The following TRPS1 variants were observed in gnomAD, a reference collection of about 807,000 sequenced individuals.
The protein encoded by TRPS1 is transcriptional repressor GATA binding 1.
In TRPS1, 6 loss-of-function variants were observed where a neutral mutation model predicts 101.2. The observed-to-expected ratio is 0.06, with a 90% confidence interval of 0.03 to 0.12. The LOEUF (loss-of-function observed/expected upper bound fraction) is 0.12, where lower values mean the gene tolerates loss of function less well. Ranked by LOEUF, TRPS1 falls within the 10% of genes least tolerant of loss-of-function variation. The pLI, the probability that TRPS1 is intolerant of heterozygous loss-of-function variation, is 1.00. For missense variants in TRPS1, 1,363 were observed against 1,567.0 expected, an observed-to-expected ratio of 0.87 and a Z score of 2.20; for synonymous variants, 578 against 589.8, an observed-to-expected ratio of 0.98 and a Z score of 0.29.
chr8:115,432,572 T>A (rs1056987671), intron 5 of TRPS1, among the ~76,000 whole-genome samples: 52 of 152,082 alleles, frequency 3.4e-4, no homozygotes, highest in African/African-American at 1.2e-3. Context: ...ATGGACTGAT[T>A]AGTATCAAAC....
At chr8:115,575,896 G>A (rs991897411) in intron 5 of TRPS1, among the ~76,000 whole-genome samples, 2 of 152,088 alleles carry the variant, frequency 1.3e-5, no homozygotes, top group Non-Finnish European at 2.9e-5. Context: ...TGGGATTAGA[G>A]TCTATTCATG....
chr8:115,497,766 AATT>A (rs773343226), intron 5 of TRPS1, among the ~76,000 whole-genome samples: 6 of 152,134 alleles, frequency 3.9e-5, no homozygotes, highest in Non-Finnish European at 8.8e-5. Context: ...CAGAGATTAA[AATT>A]ATGTTACATC....
intron 5 of TRPS1, among the ~76,000 whole-genome samples, chr8:115,579,721 T>A (rs1238895677): frequency 1.3e-5 from 2 of 152,100 alleles, no homozygotes; most frequent in Non-Finnish European, 2.9e-5. Context: ...GTTACACATA[T>A]ATAAATTTCC....
chr8:115,533,677 C>T (rs1816207863), intron 5 of TRPS1, among the ~76,000 whole-genome samples: 1 of 151,870 alleles, frequency 6.6e-6, no homozygotes, highest in South Asian at 2.1e-4. Flanking sequence ...GCTTGGGCTG[C>T]CAGAACAAAA....
Position 115,411,523 on chromosome 8 carries a change from A to G in TRPS1, c.*2500T>C, listed in dbSNP as rs1156243717. On this transcript the variant is annotated 3_prime_UTR_variant, in exon 7 of 7. Transcript: ENST00000395715. ...ATTCTTTTTACTAAGAAAATTAAAT[A>G]TTGTTGTTTGGGGGAATCTCCTCTC... is the stretch of plus-strand genomic sequence containing the variant. The G allele has an allele frequency of 2.0e-5, 3 of 152,442 alleles. No homozygotes were observed. The highest frequency in any genetic ancestry group is 4.4e-5 in the Non-Finnish European group (3 of 67,972). 9.4% of individuals were successfully genotyped at this position (152,442 alleles called of 1,614,324 possible).
intron 5 of TRPS1, among the ~76,000 whole-genome samples, chr8:115,578,781 G>A (rs1318593302): frequency 6.6e-6 from 1 of 152,088 alleles, no homozygotes; most frequent in African/African-American, 2.4e-5. Flanking sequence ...CTTCTTTACA[G>A]TATATTGTAT....
intron 4 of TRPS1, among the ~76,000 whole-genome samples, chr8:115,590,142 A>G (rs573049281): frequency 6.6e-6 from 1 of 152,248 alleles, no homozygotes; most frequent in East Asian, 1.9e-4. Context: ...ACAACAACAA[A>G]AAAAACCCAC....
chr8:115,491,203 C>T (rs1392152149), intron 5 of TRPS1, among the ~76,000 whole-genome samples: 1 of 152,134 alleles, frequency 6.6e-6, no homozygotes, highest in African/African-American at 2.4e-5. Context: ...TTCACTATTA[C>T]GTTTGAGGAG....
At chr8:115,541,376 G>C (rs1253278917) in intron 5 of TRPS1, among the ~76,000 whole-genome samples, 1 of 152,038 alleles carries the variant, frequency 6.6e-6, no homozygotes, top group African/African-American at 2.4e-5. Context: ...CTTTCACCAC[G>C]AACGATAAAG....
Position 115,414,513 on chromosome 8 carries a change from A to C in TRPS1, c.3395T>G (p.Leu1132Arg), listed in dbSNP as rs199951180. The C allele has an allele frequency of 1.2e-6, 2 of 1,613,844 alleles. No individual in the cohort carries two copies. Among genetic ancestry groups the C allele is most frequent in the East Asian group, 4.5e-5 (2 of 44,862 alleles). The change falls in exon 7 of 7, where the codon CTC becomes CGC. Residue 1132 changes from leucine to arginine, a missense_variant. Leu to Arg is a moderately radical substitution (Grantham distance 102). This residue lies in a region of TRPS1 where 307 missense variants were observed against 392.4 expected (regional missense o/e 0.78). Coordinates refer to ENST00000395715, the MANE Select transcript of TRPS1 (RefSeq NM_014112.5). This position sits in a 1 kb window ranked among gnomAD's most constrained non-coding sequence, Gnocchi z 4.8. ...GTAGTGCGGATTCCCAGGAACGGAG[A>C]GCTTATATTTACTCCAGAACCGCAG... ...DWLRFWSKYK[L>R]SVPGNPHYLS...
intron 4 of TRPS1, among the ~76,000 whole-genome samples, chr8:115,596,309 A>T (rs1270388351): frequency 6.6e-6 from 1 of 151,902 alleles, no homozygotes; most frequent in Non-Finnish European, 1.5e-5. Flanking sequence ...TAGTTCTTTC[A>T]CAGTAAGTTA....
At chr8:115,471,161 A>T (rs752159185) in intron 5 of TRPS1, among the ~76,000 whole-genome samples, 5 of 152,184 alleles carry the variant, frequency 3.3e-5, no homozygotes, top group Non-Finnish European at 7.3e-5. Context: ...GTATTGTATT[A>T]GTCCATTCTT....
At position 115,428,048 on chromosome 8, in the gene TRPS1, T is replaced by C. The variant is rs1417813626; in HGVS notation, c.2701-9596A>G. ...GCTTTTGCAGAAGACTTGGCTAGAG[T>C]TGGGGCAAGAAAAATGGTGCTGGGG... On this transcript the variant is annotated intron_variant, in intron 5 of 6. Coordinates refer to ENST00000395715, the MANE Select transcript of TRPS1 (RefSeq NM_014112.5). Among the ~76,000 whole-genome samples, 4 of 152,108 alleles carry C rather than the reference T, an allele frequency of 2.6e-5. No individual in the cohort carries two copies. In the East Asian group the frequency reaches 7.8e-4, roughly 30 times the overall value.
At chr8:115,630,584 A>G (rs1204199447) in intron 1 of TRPS1, among the ~76,000 whole-genome samples, 1 of 152,032 alleles carries the variant, frequency 6.6e-6, no homozygotes, top group East Asian at 1.9e-4. Context: ...TTTAAGGCCT[A>G]TGATCTTCAG....
chr8:115,625,579 G>A (rs1818487722), intron 1 of TRPS1, among the ~76,000 whole-genome samples: 1 of 151,724 alleles, frequency 6.6e-6, no homozygotes, highest in African/African-American at 2.4e-5. Flanking sequence ...TCAGTTATGT[G>A]CCAAACACAC....
Position 115,587,011 on chromosome 8 carries a change from G to C in TRPS1, c.2690C>G (p.Ser897Cys), listed in dbSNP as rs779462797. 6.2e-7 allele frequency: 1 copy of C among 1,614,162 alleles called. No homozygotes were observed. Among genetic ancestry groups the C allele is most frequent in the South Asian group, 1.1e-5 (1 of 91,076 alleles). Residue 897 changes from serine (S) to cysteine (C), a missense_variant, in exon 5 of 7, where the codon TCC becomes TGC. By Grantham distance (112) the Ser-to-Cys change is moderately radical. This residue lies in a region of TRPS1 where 22 missense variants were observed against 37.9 expected (regional missense o/e 0.58). Transcript: ENST00000395715. ...ATGAAACCATCCTACCCGTAACAGG[G>C]ACTGGGATTCATCCTTGGACTTGTT... ...GENKSKDESQ[S>C]LLRRRRGSGV...
intron 5 of TRPS1, among the ~76,000 whole-genome samples, chr8:115,467,200 A>T (rs971676021): frequency 6.6e-6 from 1 of 152,148 alleles, no homozygotes; most frequent in African/African-American, 2.4e-5. Flanking sequence ...AAAAAAATGC[A>T]TTCCAATTTA....
intron 5 of TRPS1, among the ~76,000 whole-genome samples, chr8:115,451,707 T>G (rs1218723519): frequency 6.6e-6 from 1 of 152,170 alleles, no homozygotes; most frequent in African/African-American, 2.4e-5. Flanking sequence ...AAGATACCCT[T>G]TGCAGAAAAA....
chr8:115,468,988 T>G (rs1164605640), intron 5 of TRPS1, among the ~76,000 whole-genome samples: 1 of 151,538 alleles, frequency 6.6e-6, no homozygotes, highest in East Asian at 1.9e-4. Flanking sequence ...AAAACTAATT[T>G]AAAAATATCC....
Sources: allele counts gnomAD v4.1 joint callset (sites outside exome capture counted in the v4.1 genomes callset), GRCh38; gene constraint gnomAD v4.1.1; regional missense constraint gnomAD v4.1.1; non-coding constraint Gnocchi (gnomAD v3.1); transcripts MANE v1.5; gene names NCBI Gene and HGNC (gene_info 2026-07-23, HGNC 2026-07-21).